Variants in CBLB observed in about 807,000 individuals in gnomAD.
CBLB encodes the protein E3 ubiquitin-protein ligase CBL-B.
A neutral mutation model predicts 104.9 loss-of-function variants in CBLB; 31 were observed. The ratio of observed to expected loss-of-function variants is 0.30; its 90% CI spans 0.22 to 0.40. The LOEUF (loss-of-function observed/expected upper bound fraction) is 0.40, where lower values mean the gene tolerates loss of function less well. Among genes scored for constraint, CBLB ranks in the 10% least tolerant of loss-of-function variants. The pLI is 1.00. For synonymous variants in CBLB, 440 were observed against 422.6 expected (o/e 1.04, Z -0.51); for missense variants, 1,062 against 1,214.6 (o/e 0.87, Z 1.87).
intron 9 of CBLB, among the ~76,000 whole-genome samples, chr3:105,733,078 G>T (rs11718704): frequency 1.3e-5 from 2 of 152,054 alleles, no homozygotes; most frequent in Non-Finnish European, 2.9e-5. Context: ...AGAAATATAA[G>T]AAAGCCCTTG....
intron 16 of CBLB, among the ~76,000 whole-genome samples, chr3:105,680,329 T>A (rs2066161368): frequency 7.1e-6 from 1 of 141,000 alleles, no homozygotes. Context: ...GGAAAATCTG[T>A]CTACTTTGTC....
intron 3 of CBLB, among the ~76,000 whole-genome samples, chr3:105,848,384 C>T (rs7619449): frequency 0.24 from 35,883 of 151,830 alleles, 4,551 homozygotes; most frequent in East Asian, 0.48. Flanking sequence ...ATAATTTCTA[C>T]CTCTCTCCTT....
intron 12 of CBLB, among the ~76,000 whole-genome samples, chr3:105,700,745 C>G (rs1021303796): frequency 6.6e-6 from 1 of 152,154 alleles, no homozygotes; most frequent in Non-Finnish European, 1.5e-5. Context: ...CACTCCTTGC[C>G]TTTGGTTTTG....
chr3:105,680,448 A>G (rs2066175427), intron 16 of CBLB, among the ~76,000 whole-genome samples: 1 of 152,216 alleles, frequency 6.6e-6, no homozygotes, highest in Non-Finnish European at 1.5e-5. Context: ...ACATCACCAC[A>G]GAAAGCTTTA....
At chr3:105,817,629 G>A (rs1373615435) in intron 3 of CBLB, among the ~76,000 whole-genome samples, 2 of 152,156 alleles carry the variant, frequency 1.3e-5, no homozygotes, top group African/African-American at 2.4e-5. Context: ...CAATGAGGCC[G>A]AATGAGGCCT....
At chr3:105,868,139 TA>T in intron 1 of CBLB, 1 of 1,070,486 alleles carries the variant, frequency 9.3e-7, no homozygotes, top group Non-Finnish European at 1.2e-6. Flanking sequence ...TGTCCCACAC[TA>T]AAACCACCAA....
chr3:105,769,022 C>T (rs544149230), intron 4 of CBLB, among the ~76,000 whole-genome samples: 1 of 152,244 alleles, frequency 6.6e-6, no homozygotes, highest in East Asian at 1.9e-4. Context: ...AGTCTGTTAA[C>T]AATTATTGCC....
At chr3:105,667,174 G>C (rs1299294982) in intron 18 of CBLB, among the ~76,000 whole-genome samples, 1 of 152,024 alleles carries the variant, frequency 6.6e-6, no homozygotes, top group Non-Finnish European at 1.5e-5. Flanking sequence ...GTCTTTTAAT[G>C]GTTTCAAACA....
chr3:105,665,442 T>TACAC (rs1159402124), intron 18 of CBLB, among the ~76,000 whole-genome samples: 56 of 67,152 alleles, frequency 8.3e-4, no homozygotes, highest in African/African-American at 2.2e-3. Flanking sequence ...TATATATATA[T>TACAC]ACACACACAC....
At chr3:105,759,510 T>C (rs921240890) in intron 4 of CBLB, among the ~76,000 whole-genome samples, 3 of 152,194 alleles carry the variant, frequency 2.0e-5, no homozygotes, top group South Asian at 2.1e-4. Flanking sequence ...TGCAGGCCCA[T>C]GCGGAGCTAC....
At chr3:105,685,970 C>G (rs1444093191) in intron 13 of CBLB, among the ~76,000 whole-genome samples, 1 of 152,060 alleles carries the variant, frequency 6.6e-6, no homozygotes, top group African/African-American at 2.4e-5. Flanking sequence ...ACTTAACTAT[C>G]CTGTGAAATT....
intron 5 of CBLB, among the ~76,000 whole-genome samples, chr3:105,747,841 G>A (rs886526536): frequency 2.0e-5 from 3 of 152,032 alleles, no homozygotes; most frequent in Admixed American, 6.5e-5. Flanking sequence ...AAACTTTATA[G>A]AGCACCAATG....
chr3:105,711,548 C>G (rs2071082698), intron 10 of CBLB, among the ~76,000 whole-genome samples: 1 of 143,494 alleles, frequency 7.0e-6, no homozygotes, highest in Admixed American at 7.2e-5. Flanking sequence ...AAGTAAATGA[C>G]TTGTGTTATC....
At chr3:105,725,137 C>T (rs961904867) in intron 9 of CBLB, among the ~76,000 whole-genome samples, 1 of 152,116 alleles carries the variant, frequency 6.6e-6, no homozygotes, top group African/African-American at 2.4e-5. Flanking sequence ...AAAACTACTA[C>T]AATCAATGAA....
At chr3:105,829,519 C>A (rs755932490) in intron 3 of CBLB, among the ~76,000 whole-genome samples, 1 of 151,796 alleles carries the variant, frequency 6.6e-6, no homozygotes, top group Non-Finnish European at 1.5e-5. Flanking sequence ...ATCAGCCAGG[C>A]ATAGTGGCAT....
At chr3:105,860,138 G>A (rs765794916) in intron 2 of CBLB, among the ~76,000 whole-genome samples, 1 of 152,176 alleles carries the variant, frequency 6.6e-6, no homozygotes, top group African/African-American at 2.4e-5. Flanking sequence ...TGAAAGTGAA[G>A]AACAGTCTTT....
At chr3:105,866,945 C>G (rs2092460721) in intron 2 of CBLB, among the ~76,000 whole-genome samples, 1 of 152,168 alleles carries the variant, frequency 6.6e-6, no homozygotes, top group Non-Finnish European at 1.5e-5. Flanking sequence ...AATGGAAACT[C>G]CCTCAACTAC....
At chr3:105,677,332 C>G (rs1201680571) in intron 17 of CBLB, among the ~76,000 whole-genome samples, 1 of 144,776 alleles carries the variant, frequency 6.9e-6, no homozygotes, top group South Asian at 2.2e-4. Flanking sequence ...TTCAAACTTT[C>G]TAAACTATCA....
intron 13 of CBLB, among the ~76,000 whole-genome samples, chr3:105,686,938 G>A (rs750126878): frequency 2.0e-5 from 3 of 152,034 alleles, no homozygotes; most frequent in Non-Finnish European, 4.4e-5. Flanking sequence ...GTTTAACTTT[G>A]GAGGATTTAC....
Sources: gnomAD v4.1 joint callset for allele counts (sites outside exome capture counted in the v4.1 genomes callset) on GRCh38, gnomAD v4.1.1 for gene constraint, MANE v1.5 for transcripts, NCBI Gene and HGNC (gene_info 2026-07-23, HGNC 2026-07-21) for gene names.